The following EYS variants were observed in gnomAD, a reference collection of about 807,000 sequenced individuals.
EYS encodes protein eyes shut homolog.
Under a neutral mutation model 282.1 loss-of-function variants are expected in EYS, and 250 were observed. That is an observed-to-expected ratio of 0.89 (90% CI 0.80 to 0.98). The LOEUF (loss-of-function observed/expected upper bound fraction) is 0.98, where lower values mean the gene tolerates loss of function less well. Ranked by LOEUF, EYS falls within the 50% of genes least tolerant of loss-of-function variation. EYS has a pLI of 0.00. For synonymous variants in EYS, 1,355 were observed against 1,282.9 expected (o/e 1.06, Z -1.20); for missense variants, 4,016 against 3,709.0 (o/e 1.08, Z -2.15).
intron 15 of EYS, among the ~76,000 whole-genome samples, chr6:64,939,398 A>T (rs1264807353): frequency 2.0e-5 from 3 of 151,906 alleles, no homozygotes; most frequent in Admixed American, 2.0e-4. Flanking sequence ...ATACATTTAA[A>T]TCACTAGGAG....
At chr6:64,495,337 G>A (rs1185412358) in intron 26 of EYS, among the ~76,000 whole-genome samples, 1 of 151,786 alleles carries the variant, frequency 6.6e-6, no homozygotes, top group East Asian at 1.9e-4. Context: ...ATATCCTAAA[G>A]TCATATCCTA....
At chr6:65,347,348 C>T (rs577729798) in intron 9 of EYS, among the ~76,000 whole-genome samples, 1 of 151,790 alleles carries the variant, frequency 6.6e-6, no homozygotes, top group Admixed American at 6.6e-5. Context: ...TCAGCTTTTT[C>T]AGTTTTTCCT....
intron 11 of EYS, among the ~76,000 whole-genome samples, chr6:65,313,935 C>T (rs1769228992): frequency 6.6e-6 from 1 of 152,206 alleles, no homozygotes; most frequent in African/African-American, 2.4e-5. Flanking sequence ...AAGGTGGTAT[C>T]TGATCAGACC....
intron 5 of EYS, among the ~76,000 whole-genome samples, chr6:65,482,553 C>A (rs1418496523): frequency 6.6e-6 from 1 of 152,186 alleles, no homozygotes; most frequent in African/African-American, 2.4e-5. Context: ...GCCTGCTTTT[C>A]TTTCCATGAG....
intron 15 of EYS, among the ~76,000 whole-genome samples, chr6:64,923,540 C>T (rs1192850711): frequency 2.6e-5 from 4 of 152,162 alleles, no homozygotes; most frequent in African/African-American, 9.7e-5. Context: ...AGTCTTAACT[C>T]ATTTCAGCAT....
intron 30 of EYS, among the ~76,000 whole-genome samples, chr6:64,262,695 A>T (rs1457443425): frequency 6.6e-6 from 1 of 151,948 alleles, no homozygotes; most frequent in East Asian, 1.9e-4. Flanking sequence ...TATTTTTGTT[A>T]TCTTAAAGGT....
At chr6:63,949,111 C>T (rs1765487439) in intron 35 of EYS, among the ~76,000 whole-genome samples, 1 of 151,988 alleles carries the variant, frequency 6.6e-6, no homozygotes, top group Non-Finnish European at 1.5e-5. Context: ...ATGAAATTGA[C>T]ACAAAATTAA....
chr6:64,248,989 T>C (rs1767111915), intron 30 of EYS, among the ~76,000 whole-genome samples: 1 of 143,184 alleles, frequency 7.0e-6, no homozygotes, highest in Non-Finnish European at 1.5e-5. Flanking sequence ...CTTGGAGGCT[T>C]GGAGGCAGTG....
At chr6:65,558,311 G>A (rs746591203) in intron 2 of EYS, among the ~76,000 whole-genome samples, 1 of 152,242 alleles carries the variant, frequency 6.6e-6, no homozygotes, top group Non-Finnish European at 1.5e-5. Context: ...GTATGTCAGT[G>A]CAGCCTTGAG....
chr6:65,577,025 A>G (rs994707735), intron 2 of EYS, among the ~76,000 whole-genome samples: 1 of 151,910 alleles, frequency 6.6e-6, no homozygotes, highest in Non-Finnish European at 1.5e-5. Flanking sequence ...TGCAATTTAC[A>G]TCAAAATTTC....
chr6:63,896,201 T>A (rs191697087), intron 35 of EYS, among the ~76,000 whole-genome samples: 33 of 152,312 alleles, frequency 2.2e-4, no homozygotes, highest in Admixed American at 9.8e-4. Flanking sequence ...AATCTCTATG[T>A]CCTTTCTGGA....
At chr6:65,129,776 C>T (rs1775818255) in intron 12 of EYS, among the ~76,000 whole-genome samples, 1 of 151,842 alleles carries the variant, frequency 6.6e-6, no homozygotes, top group African/African-American at 2.4e-5. Flanking sequence ...AAGAATTGAA[C>T]TAACATTTGA....
chr6:63,917,468 CAT>C (rs1320365731), intron 35 of EYS, among the ~76,000 whole-genome samples: 1 of 152,234 alleles, frequency 6.6e-6, no homozygotes, highest in African/African-American at 2.4e-5. Context: ...TGCTAAAAGA[CAT>C]AGCAACAGGA....
At position 64,919,419 on chromosome 6, in the gene EYS, CT is replaced by C. The variant is rs370375636; in HGVS notation, c.2382-6677del. Among the ~76,000 whole-genome samples the C allele has an allele frequency of 1.1e-3, 145 of 135,494 alleles. No individual in the cohort carries two copies. In the East Asian group the frequency reaches 0.017, roughly 16 times the overall value. The allele number at this position is 135,494 out of a possible 152,430, so 88.9% of individuals were successfully genotyped here. ...TCCTTTTTTATGTTTTTCTTTTTTTCTTTTTTTTTTTTTTGTGAGGCTGAAG... is the reference window on the plus strand; with the variant it reads ...TCCTTTTTTATGTTTTTCTTTTTTTCTTTTTTTTTTTTTGTGAGGCTGAAG... On this transcript the variant is annotated intron_variant, in intron 15 of 42. Coordinates refer to ENST00000503581, the MANE Select transcript of EYS (RefSeq NM_001142800.2).
chr6:65,325,359 A>G (rs1326544391), intron 11 of EYS, among the ~76,000 whole-genome samples: 2 of 152,178 alleles, frequency 1.3e-5, no homozygotes, highest in Admixed American at 1.3e-4. Context: ...CAAACGCTGC[A>G]TTTGATACCT....
chr6:64,462,415 A>T (rs1454498661), intron 26 of EYS, among the ~76,000 whole-genome samples: 1 of 152,208 alleles, frequency 6.6e-6, no homozygotes, highest in Non-Finnish European at 1.5e-5. Flanking sequence ...ATTCTCTGAC[A>T]TATTAAGGTT....
At chr6:65,277,310 G>A (rs1768074847) in intron 12 of EYS, among the ~76,000 whole-genome samples, 2 of 151,956 alleles carry the variant, frequency 1.3e-5, no homozygotes, top group Non-Finnish European at 2.9e-5. Flanking sequence ...GCACAAACCT[G>A]TAGTCCCAGC....
intron 7 of EYS, among the ~76,000 whole-genome samples, chr6:65,390,534 G>C (rs2102194): frequency 0.46 from 69,238 of 151,436 alleles, 16,557 homozygotes; most frequent in South Asian, 0.54. Context: ...CAACTCAGAA[G>C]GCTACAAGAA....
At position 64,773,630 on chromosome 6, in the gene EYS, C is replaced by T. The variant is rs1044916664; in HGVS notation, c.3443+39748G>A. Among the ~76,000 whole-genome samples the T allele has an allele frequency of 4.6e-5, 7 of 151,848 alleles. 1 individual carries two copies. The highest frequency in any genetic ancestry group is 2.1e-4 in the South Asian group (1 of 4,826). ...CATTAAATTTTCTCTGCAATCTCAC[C>T]AGAATCTGTTATTTTGGACTCCTTA... On this transcript the variant is annotated intron_variant, in intron 22 of 42. Transcript: ENST00000503581.
Sources: allele counts gnomAD v4.1 joint callset (sites outside exome capture counted in the v4.1 genomes callset), GRCh38; gene constraint gnomAD v4.1.1; transcripts MANE v1.5; gene names NCBI Gene and HGNC (gene_info 2026-07-23, HGNC 2026-07-21).